SMC1B: variants seen among roughly 807,000 people sequenced by gnomAD.
SMC1B encodes structural maintenance of chromosomes 1B, also known as structural maintenance of chromosomes protein 1B.
SMC1B carries 60 observed loss-of-function variants against 157.9 expected under a neutral mutation model. The observed-to-expected ratio is 0.38, with a 90% CI of 0.31 to 0.47. The LOEUF is 0.47. SMC1B is among the 20% of genes least tolerant of loss of function. The pLI, the probability that SMC1B is intolerant of heterozygous loss-of-function variation, is 0.99. For synonymous variants in SMC1B, 445 were observed against 483.0 expected (o/e 0.92, Z 1.03); for missense variants, 1,165 against 1,426.2 (o/e 0.82, Z 2.95).
At chr22:45,398,378 G>C (rs888758486) in intron 6 of SMC1B, among the ~76,000 whole-genome samples, 3 of 152,228 alleles carry the variant, frequency 2.0e-5, no homozygotes, top group Non-Finnish European at 4.4e-5. Context: ...TGGGGGCTGA[G>C]TGAGCAGTCG....
At chr22:45,403,695 G>T (rs1186234591) in intron 4 of SMC1B, among the ~76,000 whole-genome samples, 2 of 152,146 alleles carry the variant, frequency 1.3e-5, no homozygotes, top group Non-Finnish European at 2.9e-5. Context: ...CTGGGCTCAA[G>T]GGATGCTCCC....
chr22:45,367,700 G>T (rs979420637), intron 15 of SMC1B, among the ~76,000 whole-genome samples: 6 of 152,182 alleles, frequency 3.9e-5, no homozygotes, highest in Non-Finnish European at 5.9e-5. Context: ...TGAGGAAGCT[G>T]GTTGTCCACC....
chr22:45,413,415 G>T, intron 1 of SMC1B, 44 bp downstream of exon 1: 1 of 1,485,670 alleles, frequency 6.7e-7, no homozygotes, highest in Non-Finnish European at 9.2e-7. Flanking sequence ...TGGACGCCTG[G>T]GACGGCGGAG....
intron 4 of SMC1B, among the ~76,000 whole-genome samples, chr22:45,404,594 C>T (rs916046740): frequency 6.6e-6 from 1 of 152,246 alleles, no homozygotes; most frequent in Non-Finnish European, 1.5e-5. Flanking sequence ...AATCCGTTAT[C>T]TTAATCCAGA....
intron 15 of SMC1B, among the ~76,000 whole-genome samples, chr22:45,366,965 T>A (rs2086782318): frequency 6.6e-6 from 1 of 152,208 alleles, no homozygotes. Context: ...AATGTATTTA[T>A]CAGTTCCAGC....
At chr22:45,388,998 A>AAAAAG (rs1555930061) in intron 10 of SMC1B, among the ~76,000 whole-genome samples, 2 of 150,030 alleles carry the variant, frequency 1.3e-5, no homozygotes, top group East Asian at 3.9e-4. Flanking sequence ...AAAAAAAAAA[A>AAAAAG]AAAAAAGAAA....
chr22:45,387,609 T>C lies in SMC1B; in HGVS notation c.1732-563A>G, dbSNP rs192187933. ...TAATTTCCAGTTTCAACTCTGTCAT[T>C]AACTAGTCAGGATAAAACAATGCAT... On this transcript the variant is annotated intron_variant, in intron 10 of 24. Coordinates refer to ENST00000357450, the MANE Select transcript of SMC1B (RefSeq NM_148674.5). 1.6e-4 allele frequency among the ~76,000 whole-genome samples: 25 copies of C among 152,308 alleles called. No individual in the cohort carries two copies. In the East Asian group the frequency reaches 4.6e-3, roughly 28 times the overall value.
intron 12 of SMC1B, among the ~76,000 whole-genome samples, chr22:45,375,955 CT>C (rs1462624002): frequency 6.6e-6 from 1 of 151,998 alleles, no homozygotes; most frequent in African/African-American, 2.4e-5. Context: ...AAGTTTCCAT[CT>C]TTTTTATATG....
intron 12 of SMC1B, among the ~76,000 whole-genome samples, chr22:45,379,395 A>AAATTT (rs2086913614): frequency 6.6e-6 from 1 of 152,220 alleles, no homozygotes; most frequent in African/African-American, 2.4e-5. Flanking sequence ...GTTTACCGTA[A>AAATTT]TCACTGACAT....
intron 15 of SMC1B, among the ~76,000 whole-genome samples, chr22:45,368,656 A>G (rs1030071299): frequency 5.3e-5 from 8 of 151,874 alleles, no homozygotes; most frequent in African/African-American, 1.9e-4. Flanking sequence ...AGCTGGGATT[A>G]CAGGCACCCA....
chr22:45,413,508 G>A lies in SMC1B; in HGVS notation c.60C>T (p.Val20=), dbSNP rs764777384. Residue 20 remains valine, a synonymous_variant, in exon 1 of 25, where the codon GTC becomes GTT. Transcript: ENST00000357450. ...ENFKSWRGRQ[V]IGPFRRFTCI... ...AGGTGAACCTCCGGAAGGGGCCAAT[G>A]ACCTGGCGGCCCCGCCACGACTTGA... The A allele has an allele frequency of 1.2e-6, 2 of 1,608,960 alleles. No homozygotes were observed. Among genetic ancestry groups the A allele is most frequent in the Admixed American group, 3.4e-5 (2 of 59,468 alleles).
chr22:45,410,976 T>C (rs986261686), intron 1 of SMC1B, among the ~76,000 whole-genome samples: 5 of 152,260 alleles, frequency 3.3e-5, no homozygotes, highest in Non-Finnish European at 7.3e-5. Context: ...ATTCACTGAA[T>C]TAAATTATTA....
intron 23 of SMC1B, among the ~76,000 whole-genome samples, chr22:45,347,043 C>T (rs1360796255): frequency 6.6e-6 from 1 of 152,182 alleles, no homozygotes; most frequent in African/African-American, 2.4e-5. Context: ...AAGAAAAAGA[C>T]AGCCACCAAG....
intron 22 of SMC1B, among the ~76,000 whole-genome samples, chr22:45,350,271 A>ATTT (rs35156883): frequency 3.5e-5 from 5 of 143,098 alleles, no homozygotes; most frequent in African/African-American, 5.2e-5. Flanking sequence ...TTTTTTTTTA[A>ATTT]TTTTTTTTAA....
intron 10 of SMC1B, 121 bp downstream of exon 10, chr22:45,389,591 G>A: frequency 1.3e-6 from 1 of 759,780 alleles, no homozygotes; most frequent in East Asian, 2.6e-5. Flanking sequence ...TAAAATGATT[G>A]CCTAACTGGC....
chr22:45,411,838 C>G (rs1213525866), intron 1 of SMC1B, among the ~76,000 whole-genome samples: 1 of 151,682 alleles, frequency 6.6e-6, no homozygotes, highest in Non-Finnish European at 1.5e-5. Flanking sequence ...CCTGCCTCAG[C>G]CTCCCAAAGT....
intron 12 of SMC1B, among the ~76,000 whole-genome samples, chr22:45,382,380 G>A (rs115910118): frequency 2.3e-3 from 347 of 152,300 alleles, no homozygotes; most frequent in African/African-American, 7.8e-3. Context: ...ACTACTGACT[G>A]TATGAATCCA....
chr22:45,349,819 G>A (rs1602043267), intron 22 of SMC1B, 22 bp from the exon 23 acceptor site: 1 of 1,568,950 alleles, frequency 6.4e-7, no homozygotes. Context: ...TTACAATCAA[G>A]TAAGTTACAA....
Position 45,409,500 on chromosome 22 carries a change from G to A in SMC1B, c.110-602C>T, listed in dbSNP as rs189694123. Among the ~76,000 whole-genome samples the A allele has an allele frequency of 1.1e-4, 17 of 152,062 alleles. 1 individual carries two copies. The highest frequency in any genetic ancestry group is 3.9e-4 in the Admixed American group (6 of 15,260). ...GAATTGCTTGAACCTAGGAGGCGGT[G>A]GTTGCAGTGAGCCGAGATTGCACCA... On this transcript the variant is annotated intron_variant, in intron 1 of 24. Coordinates refer to ENST00000357450, the MANE Select transcript of SMC1B (RefSeq NM_148674.5).
Sources: gnomAD v4.1 joint callset for allele counts (sites outside exome capture counted in the v4.1 genomes callset) on GRCh38, gnomAD v4.1.1 for gene constraint, MANE v1.5 for transcripts, NCBI Gene and HGNC (gene_info 2026-07-23, HGNC 2026-07-21) for gene names.